Variants in RASGEF1A observed in about 807,000 individuals in gnomAD.
RASGEF1A encodes RasGEF domain family member 1A, also known as ras-GEF domain-containing family member 1A.
RASGEF1A carries 18 observed loss-of-function variants against 56.4 expected under a neutral mutation model. The ratio of observed to expected loss-of-function variants is 0.32; its 90% CI spans 0.22 to 0.47. The LOEUF is 0.47. Ranked by LOEUF, RASGEF1A falls within the 20% of genes least tolerant of loss-of-function variation. The probability of loss-of-function intolerance (pLI) is 1.00; values close to 1 mark genes in which losing one functional copy is unlikely to be tolerated. For synonymous variants in RASGEF1A, 245 were observed against 242.6 expected, an observed-to-expected ratio of 1.01 and a Z score of -0.09; for missense variants, 422 against 627.1, an observed-to-expected ratio of 0.67 and a Z score of 3.49.
chr10:43,220,804 G>A (rs983885200), intron 1 of RASGEF1A, among the ~76,000 whole-genome samples: 3 of 151,738 alleles, frequency 2.0e-5, no homozygotes, highest in African/African-American at 7.3e-5. Flanking sequence ...AAAGGGGGGG[G>A]AGTACTTATG....
intron 1 of RASGEF1A, among the ~76,000 whole-genome samples, chr10:43,231,879 GAGA>G (rs1460571333): frequency 1.3e-5 from 2 of 152,260 alleles, no homozygotes; most frequent in African/African-American, 4.8e-5. Context: ...TCAGAAAGTA[GAGA>G]AGAAGCCAGG....
chr10:43,209,310 T>C, intron 1 of RASGEF1A: 1 of 701,088 alleles, frequency 1.4e-6, no homozygotes, highest in Non-Finnish European at 1.8e-6. Flanking sequence ...AGACGAGGGG[T>C]GAGTACCTGC....
At chr10:43,215,638 C>T (rs773157510) in intron 1 of RASGEF1A, among the ~76,000 whole-genome samples, 6 of 152,160 alleles carry the variant, frequency 3.9e-5, no homozygotes, top group African/African-American at 4.8e-5. Context: ...TGGGTGTTCC[C>T]GGAGCCCTAT....
chr10:43,222,892 T>G (rs1251774572), intron 1 of RASGEF1A, among the ~76,000 whole-genome samples: 1 of 152,222 alleles, frequency 6.6e-6, no homozygotes, highest in African/African-American at 2.4e-5. Flanking sequence ...CCTCCAATAT[T>G]GTCCAAATTG....
chr10:43,212,721 G>A (rs1434523164), intron 1 of RASGEF1A, among the ~76,000 whole-genome samples: 2 of 152,236 alleles, frequency 1.3e-5, no homozygotes, highest in Non-Finnish European at 2.9e-5. Flanking sequence ...GGGACTGTGG[G>A]AACACAGCCC....
intron 1 of RASGEF1A, among the ~76,000 whole-genome samples, chr10:43,223,649 C>A (rs1840237147): frequency 6.6e-6 from 1 of 152,144 alleles, no homozygotes; most frequent in Admixed American, 6.5e-5. Flanking sequence ...TAGAGTAGAA[C>A]TCCTTATAAA....
chr10:43,224,035 C>A (rs1378591628), intron 1 of RASGEF1A, among the ~76,000 whole-genome samples: 2 of 151,762 alleles, frequency 1.3e-5, no homozygotes, highest in African/African-American at 2.4e-5. Flanking sequence ...ATATAAGTAA[C>A]CAAAAATAGA....
chr10:43,232,365 C>T (rs1470973640), intron 1 of RASGEF1A, among the ~76,000 whole-genome samples: 1 of 152,190 alleles, frequency 6.6e-6, no homozygotes, highest in Non-Finnish European at 1.5e-5. Context: ...CTCTGCCTTC[C>T]ACTATGAGTG....
chr10:43,230,288 G>C (rs535389369), intron 1 of RASGEF1A, among the ~76,000 whole-genome samples: 1 of 152,170 alleles, frequency 6.6e-6, no homozygotes, highest in Admixed American at 6.5e-5. Flanking sequence ...CATTTCATTG[G>C]AACTCGGGGG....
intron 1 of RASGEF1A, chr10:43,207,770 T>TACAGAAGCAGTCCACCCCAGA: frequency 2.2e-6 from 2 of 924,796 alleles, no homozygotes; most frequent in Non-Finnish European, 2.6e-6. Flanking sequence ...AACTCTGGGG[T>TACAGAAGCAGTCCACCCCAGA]GGACTGCTTC....
chr10:43,240,350 C>T (rs1840485933), intron 1 of RASGEF1A, among the ~76,000 whole-genome samples: 1 of 152,198 alleles, frequency 6.6e-6, no homozygotes, highest in Admixed American at 6.5e-5. Flanking sequence ...ACAGCAGCAA[C>T]AACAAACCCC....
chr10:43,225,727 C>G (rs1320496407), intron 1 of RASGEF1A, among the ~76,000 whole-genome samples: 4 of 152,202 alleles, frequency 2.6e-5, no homozygotes, highest in African/African-American at 9.6e-5. Flanking sequence ...CCACCCAAAA[C>G]ACCACACCAC....
At chr10:43,227,135 C>T (rs892560198) in intron 1 of RASGEF1A, among the ~76,000 whole-genome samples, 1 of 152,188 alleles carries the variant, frequency 6.6e-6, no homozygotes, top group African/African-American at 2.4e-5. Context: ...TGGTCTCCTT[C>T]CTCTGGTCAC....
intron 1 of RASGEF1A, among the ~76,000 whole-genome samples, chr10:43,214,174 T>C (rs546817261): frequency 1.3e-5 from 2 of 152,304 alleles, no homozygotes; most frequent in South Asian, 2.1e-4. Context: ...GCAGCTACGA[T>C]GGAGGCCCAG....
chr10:43,259,520 A>G (rs1274986980), intron 1 of RASGEF1A, among the ~76,000 whole-genome samples: 1 of 152,158 alleles, frequency 6.6e-6, no homozygotes, highest in African/African-American at 2.4e-5. Flanking sequence ...GAATCAGGCT[A>G]GACTTCCGCT....
rs541553114 is a variant in RASGEF1A at position 43,204,991 on chromosome 10, TGGAGGA to T, written c.198+922_198+927del. On this transcript the variant is annotated intron_variant, in intron 2 of 12. Transcript: ENST00000395810. ...CTTACGGGACAGACAGAAGGACAGA[TGGAGGA>T]GGAGGAGGAGTGGGCAACAGAAAGG... 2.1e-3 allele frequency among the ~76,000 whole-genome samples: 326 copies of T among 152,160 alleles called. 4 individuals are homozygous for T. The highest frequency in any genetic ancestry group is 7.6e-3 in the African/African-American group (314 of 41,528).
chr10:43,246,813 A>G (rs1840571599), intron 1 of RASGEF1A, among the ~76,000 whole-genome samples: 1 of 152,222 alleles, frequency 6.6e-6, no homozygotes, highest in African/African-American at 2.4e-5. Flanking sequence ...AAACTATAAA[A>G]CTCTTAGAAG....
At chr10:43,265,247 G>T (rs1458783918) in intron 1 of RASGEF1A, among the ~76,000 whole-genome samples, 2 of 152,246 alleles carry the variant, frequency 1.3e-5, no homozygotes, top group Admixed American at 1.3e-4. Flanking sequence ...GAGCCATCCG[G>T]CTGGCAGCTC....
At chr10:43,198,223 C>A in intron 9 of RASGEF1A, 28 bp from the exon 10 acceptor site, 1 of 1,580,250 alleles carries the variant, frequency 6.3e-7, no homozygotes. Context: ...ACCTGGTGAG[C>A]ATCACAGCCC....
Sources: allele counts gnomAD v4.1 joint callset (sites outside exome capture counted in the v4.1 genomes callset), GRCh38; gene constraint gnomAD v4.1.1; transcripts MANE v1.5; gene names NCBI Gene and HGNC (gene_info 2026-07-23, HGNC 2026-07-21).